NR4A3: variants seen among roughly 807,000 people sequenced by gnomAD.
NR4A3 encodes nuclear receptor subfamily 4 group A member 3.
NR4A3 carries 13 observed loss-of-function variants against 55.6 expected under a neutral mutation model. That is an observed-to-expected ratio of 0.23 (90% CI 0.15 to 0.37). NR4A3 has a LOEUF of 0.37. Among genes scored for constraint, NR4A3 ranks in the 10% least tolerant of loss-of-function variants. NR4A3 has a pLI of 1.00. For missense variants in NR4A3, 646 were observed against 822.8 expected (o/e 0.79, Z 2.63); for synonymous variants, 342 against 357.9 (o/e 0.96, Z 0.50).
intron 2 of NR4A3, chr9:99,826,841 T>C (rs771674474): frequency 9.0e-6 from 14 of 1,559,300 alleles, no homozygotes; most frequent in African/African-American, 2.7e-5. Flanking sequence ...AGTATTCACT[T>C]CTCTATTAGT....
intron 7 of NR4A3, among the ~76,000 whole-genome samples, chr9:99,859,577 G>A (rs139315703): frequency 6.6e-6 from 1 of 152,326 alleles, no homozygotes; most frequent in African/African-American, 2.4e-5. Context: ...AGGAATTCCA[G>A]GCCTAGAGTT....
intron 5 of NR4A3, among the ~76,000 whole-genome samples, chr9:99,836,158 C>T (rs549971596): frequency 6.6e-6 from 1 of 152,132 alleles, no homozygotes; most frequent in Admixed American, 6.5e-5. Context: ...TGGGAGGGAT[C>T]GCTAATATGA....
chr9:99,826,631 T>G, intron 2 of NR4A3: 1 of 689,522 alleles, frequency 1.5e-6, no homozygotes, highest in Non-Finnish European at 2.6e-6. Context: ...GACAGCAAGA[T>G]AAGTAACTGG....
intron 5 of NR4A3, among the ~76,000 whole-genome samples, chr9:99,838,859 C>T (rs1469017527): frequency 6.6e-6 from 1 of 152,162 alleles, no homozygotes; most frequent in East Asian, 1.9e-4. Context: ...TGAGAACCAT[C>T]GATATAGTTT....
chr9:99,846,589 T>G (rs545020660), intron 6 of NR4A3, among the ~76,000 whole-genome samples: 1 of 152,310 alleles, frequency 6.6e-6, no homozygotes, highest in East Asian at 1.9e-4. Flanking sequence ...AAGGACTTGT[T>G]TTATGTTAGG....
At chr9:99,856,418 A>G (rs1827928183) in intron 7 of NR4A3, among the ~76,000 whole-genome samples, 1 of 152,130 alleles carries the variant, frequency 6.6e-6, no homozygotes. Context: ...GGTAATGCAA[A>G]TAACGGGGAG....
chr9:99,854,830 C>T (rs12001350), intron 7 of NR4A3, among the ~76,000 whole-genome samples: 1 of 126,806 alleles, frequency 7.9e-6, no homozygotes, highest in East Asian at 2.2e-4. Context: ...TTTGGTTCCA[C>T]ATGAACTTTA....
chr9:99,822,762 G>A lies in NR4A3; in HGVS notation c.-177+355G>A, dbSNP rs535844983. On this transcript the variant is annotated intron_variant, in intron 1 of 7. Coordinates refer to ENST00000395097, the MANE Select transcript of NR4A3 (RefSeq NM_006981.4). The surrounding 1 kb of genome is among the most constrained non-coding windows in gnomAD (Gnocchi z 4.9). ...TGATGCTCTCGGCGGCGGCGGCGGC[G>A]GCGGCAGCGGCAGCGGCAGGGAGTT... 1.3e-5 allele frequency among the ~76,000 whole-genome samples: 2 copies of A among 152,206 alleles called. No individual in the cohort carries two copies. The highest frequency in any genetic ancestry group is 4.1e-4 in the South Asian group (2 of 4,820).
chr9:99,858,342 C>T (rs1373170142), intron 7 of NR4A3, among the ~76,000 whole-genome samples: 1 of 152,194 alleles, frequency 6.6e-6, no homozygotes, highest in East Asian at 1.9e-4. Flanking sequence ...CTCCTTCTTC[C>T]CTGGTTCCAC....
At chr9:99,845,444 C>T (rs1827736933) in intron 6 of NR4A3, among the ~76,000 whole-genome samples, 1 of 152,140 alleles carries the variant, frequency 6.6e-6, no homozygotes, top group Non-Finnish European at 1.5e-5. Flanking sequence ...AACCTTGGAT[C>T]TAAGCTCCTC....
At chr9:99,842,186 C>T (rs551815032) in intron 5 of NR4A3, among the ~76,000 whole-genome samples, 2 of 149,780 alleles carry the variant, frequency 1.3e-5, no homozygotes, top group Admixed American at 1.3e-4. Flanking sequence ...ATTAAATAAG[C>T]GTCTCATTTC....
Position 99,844,778 on chromosome 9 carries a change from C to T in NR4A3, c.1384C>T (p.Pro462Ser). Residue 462 changes from proline to serine, a missense_variant, in exon 6 of 8, where the codon CCC becomes TCC. Transcript: ENST00000395097. ...AAAGATTCCGGGATTTACTGATCTC[C>T]CCAAAGAAGATCAGACATTACTTAT... ...AEKIPGFTDL[P>S]KEDQTLLIES... 2 of 1,614,166 alleles carry T rather than the reference C, an allele frequency of 1.2e-6. No homozygotes were observed. Among genetic ancestry groups the T allele is most frequent in the Non-Finnish European group, 1.7e-6 (2 of 1,180,020 alleles).
At chr9:99,849,695 C>T (rs1402886733) in intron 7 of NR4A3, among the ~76,000 whole-genome samples, 1 of 152,190 alleles carries the variant, frequency 6.6e-6, no homozygotes, top group Admixed American at 6.5e-5. Context: ...TGGATTCCTA[C>T]AAGTAAAAGC....
At chr9:99,847,680 G>C in intron 7 of NR4A3, 65 bp downstream of exon 7, 1 of 1,503,230 alleles carries the variant, frequency 6.7e-7, no homozygotes, top group Non-Finnish European at 9.2e-7. Flanking sequence ...GGTGGAATCT[G>C]GCCTTGACCA....
intron 3 of NR4A3, among the ~76,000 whole-genome samples, chr9:99,829,932 G>T (rs751370522): frequency 1.3e-4 from 20 of 152,200 alleles, no homozygotes; most frequent in Non-Finnish European, 2.6e-4. Context: ...GTTTCCAGCT[G>T]ATTTGTCCTG....
chr9:99,844,777 C>T lies in NR4A3; in HGVS notation c.1383C>T (p.Leu461=). The T allele has an allele frequency of 1.2e-6, 2 of 1,613,962 alleles. No homozygotes were observed. The highest frequency in any genetic ancestry group is 1.7e-6 in the Non-Finnish European group (2 of 1,179,812). Residue 461 remains leucine (L), a synonymous_variant, in exon 6 of 8, where the codon CTC becomes CTT. Transcript: ENST00000395097. ...WAEKIPGFTD[L]PKEDQTLLIE... ...AAAAGATTCCGGGATTTACTGATCT[C>T]CCCAAAGAAGATCAGACATTACTTA...
chr9:99,859,106 T>G (rs185661620), intron 7 of NR4A3, among the ~76,000 whole-genome samples: 3 of 152,320 alleles, frequency 2.0e-5, no homozygotes, highest in East Asian at 3.9e-4. Flanking sequence ...GTTAAAATAC[T>G]AAAGCATTCT....
At chr9:99,843,680 AAT>A (rs1491395892) in intron 5 of NR4A3, among the ~76,000 whole-genome samples, 11 of 123,164 alleles carry the variant, frequency 8.9e-5, no homozygotes, top group Admixed American at 3.9e-4. Flanking sequence ...CTACAAAAAA[AAT>A]TTTTTTTTGA....
chr9:99,844,835 A>C lies in NR4A3; in HGVS notation c.1441A>C (p.Arg481=), dbSNP rs773884503. ...ESAFLELFVL[R]LSIRSNTAED... ...AGCCTTTTTGGAGCTGTTTGTCCTCAGACTTTCCATCAGGTAATTACTACT... is the reference window on the plus strand; with the variant it reads ...AGCCTTTTTGGAGCTGTTTGTCCTCCGACTTTCCATCAGGTAATTACTACT... The change falls in exon 6 of 8, where the codon AGA becomes CGA. Residue 481 remains arginine, a synonymous_variant. Coordinates refer to ENST00000395097, the MANE Select transcript of NR4A3 (RefSeq NM_006981.4). 1.9e-6 allele frequency: 3 copies of C among 1,613,710 alleles called. No individual in the cohort carries two copies. In the South Asian group the frequency reaches 3.3e-5, roughly 18 times the overall value.
Sources: allele counts gnomAD v4.1 joint callset (sites outside exome capture counted in the v4.1 genomes callset), GRCh38; gene constraint gnomAD v4.1.1; non-coding constraint Gnocchi (gnomAD v3.1); transcripts MANE v1.5; gene names NCBI Gene and HGNC (gene_info 2026-07-23, HGNC 2026-07-21).